The following PARD3B variants were observed in gnomAD, a reference collection of about 807,000 sequenced individuals.
The protein encoded by PARD3B is partitioning defective 3 homolog B.
In PARD3B, 103 loss-of-function variants were observed where a neutral mutation model predicts 130.2. That is an observed-to-expected ratio of 0.79 (90% confidence interval 0.67 to 0.93). PARD3B has a LOEUF of 0.93. Among genes scored for constraint, PARD3B ranks in the 40% least tolerant of loss-of-function variants. The pLI is 0.00. For missense variants in PARD3B, 1,609 were observed against 1,499.2 expected (o/e 1.07, Z -1.21); for synonymous variants, 583 against 553.2 (o/e 1.05, Z -0.76).
intron 15 of PARD3B, among the ~76,000 whole-genome samples, chr2:205,240,980 A>G (rs965079588): frequency 6.6e-6 from 1 of 152,142 alleles, no homozygotes; most frequent in Admixed American, 6.6e-5. Flanking sequence ...CATCTTTTTC[A>G]TAGATTTTTT....
intron 1 of PARD3B, among the ~76,000 whole-genome samples, chr2:204,639,553 T>C (rs1427007775): frequency 1.3e-5 from 2 of 152,190 alleles, no homozygotes; most frequent in Non-Finnish European, 2.9e-5. Flanking sequence ...TTGTCATTAT[T>C]CCCTAAGCAA....
At chr2:205,189,957 T>C (rs1280478935) in intron 14 of PARD3B, among the ~76,000 whole-genome samples, 1 of 152,230 alleles carries the variant, frequency 6.6e-6, no homozygotes, top group African/African-American at 2.4e-5. Flanking sequence ...TATAGATAGA[T>C]ATGTAGATAT....
intron 4 of PARD3B, among the ~76,000 whole-genome samples, chr2:205,102,908 C>A (rs1482147133): frequency 6.6e-6 from 1 of 151,738 alleles, no homozygotes; most frequent in East Asian, 1.9e-4. Context: ...ACTAAAAATA[C>A]AAAAGCAAAA....
chr2:205,148,112 A>G (rs980686726), intron 10 of PARD3B, among the ~76,000 whole-genome samples: 1 of 151,964 alleles, frequency 6.6e-6, no homozygotes, highest in African/African-American at 2.4e-5. Context: ...TATAGTCCAT[A>G]TTGTCTATCT....
chr2:204,735,615 C>T (rs531498088), intron 2 of PARD3B, among the ~76,000 whole-genome samples: 1 of 152,178 alleles, frequency 6.6e-6, no homozygotes, highest in Non-Finnish European at 1.5e-5. Flanking sequence ...GTAATATATG[C>T]AGCTTGATTG....
intron 15 of PARD3B, among the ~76,000 whole-genome samples, chr2:205,238,920 A>T (rs1193264526): frequency 7.4e-6 from 1 of 135,104 alleles, no homozygotes; most frequent in East Asian, 2.3e-4. Context: ...GTATGTGTAT[A>T]TATATATATG....
intron 3 of PARD3B, among the ~76,000 whole-genome samples, chr2:205,027,302 C>A (rs141349404): frequency 6.6e-6 from 1 of 152,042 alleles, no homozygotes; most frequent in East Asian, 1.9e-4. Flanking sequence ...TTGCATTTCT[C>A]TGATGATTAG....
Position 205,440,039 on chromosome 2 carries a change from A to T in PARD3B, c.2742-331A>T, listed in dbSNP as rs771588154. The stretch of plus-strand genomic sequence containing the variant: ...AGGCTTCTATAATATCGAACCAAAG[A>T]TGCACTGTTCCCACAAGCACATGCC... On this transcript the variant is annotated intron_variant, in intron 19 of 22. Coordinates refer to ENST00000406610, the MANE Select transcript of PARD3B (RefSeq NM_001302769.2). The surrounding 1 kb of genome is among the most constrained non-coding windows in gnomAD (Gnocchi z 4.2). Among the ~76,000 whole-genome samples the T allele has an allele frequency of 1.3e-5, 2 of 152,182 alleles. No individual in the cohort carries two copies. Among genetic ancestry groups the T allele is most frequent in the Non-Finnish European group, 2.9e-5 (2 of 68,034 alleles).
chr2:204,638,170 G>A (rs1486022585), intron 1 of PARD3B, among the ~76,000 whole-genome samples: 2 of 152,120 alleles, frequency 1.3e-5, no homozygotes, highest in African/African-American at 2.4e-5. Context: ...TATAAAGAAT[G>A]GGTTATGACT....
At chr2:205,431,442 A>G (rs1318935620) in intron 19 of PARD3B, among the ~76,000 whole-genome samples, 1 of 151,868 alleles carries the variant, frequency 6.6e-6, no homozygotes, top group Non-Finnish European at 1.5e-5. Flanking sequence ...CTATTATCCT[A>G]CTTTTGGATA....
chr2:204,604,724 A>G (rs1338156915), intron 1 of PARD3B, among the ~76,000 whole-genome samples: 1 of 152,208 alleles, frequency 6.6e-6, no homozygotes, highest in East Asian at 1.9e-4. Context: ...GTAGATTGAT[A>G]TTTAGAGTTC....
At chr2:205,374,614 G>A (rs1337422848) in intron 18 of PARD3B, among the ~76,000 whole-genome samples, 1 of 151,742 alleles carries the variant, frequency 6.6e-6, no homozygotes, top group Non-Finnish European at 1.5e-5. Context: ...TTGTTTCCTG[G>A]TTTTATTTAA....
At chr2:204,546,599 A>G (rs1409468003) in intron 1 of PARD3B, among the ~76,000 whole-genome samples, 2 of 148,622 alleles carry the variant, frequency 1.3e-5, no homozygotes, top group Non-Finnish European at 3.1e-5. Context: ...GGAAGTTACA[A>G]CTGATGGGGC....
intron 2 of PARD3B, among the ~76,000 whole-genome samples, chr2:204,735,979 A>G (rs184074233): frequency 4.8e-4 from 73 of 152,318 alleles, no homozygotes; most frequent in African/African-American, 1.7e-3. Flanking sequence ...AAATATAAAT[A>G]TACCCTTCTC....
chr2:205,455,810 T>C (rs2048254804), intron 20 of PARD3B, among the ~76,000 whole-genome samples: 1 of 152,102 alleles, frequency 6.6e-6, no homozygotes, highest in African/African-American at 2.4e-5. Context: ...GAATTTGACA[T>C]TGGTACAATG....
chr2:205,408,408 G>T (rs755899351), intron 19 of PARD3B, among the ~76,000 whole-genome samples: 4 of 152,172 alleles, frequency 2.6e-5, no homozygotes, highest in African/African-American at 4.8e-5. Context: ...GGATTTTTAT[G>T]TTACTGGAAA....
chr2:204,668,440 T>C (rs2036125376), intron 1 of PARD3B, among the ~76,000 whole-genome samples: 2 of 152,200 alleles, frequency 1.3e-5, no homozygotes, highest in South Asian at 2.1e-4. Context: ...AATGCTTTCC[T>C]TGAGTAAGAT....
chr2:204,739,074 C>G (rs931307844), intron 2 of PARD3B, among the ~76,000 whole-genome samples: 1 of 152,106 alleles, frequency 6.6e-6, no homozygotes, highest in Admixed American at 6.5e-5. Flanking sequence ...TTTTTTAAAT[C>G]TACTTTTTAA....
At chr2:205,172,152 C>A in intron 11 of PARD3B, 59 bp from the exon 12 acceptor site, 1 of 1,506,748 alleles carries the variant, frequency 6.6e-7, no homozygotes, top group Non-Finnish European at 9.0e-7. Context: ...CCCCAAAACG[C>A]CACATGTCAT....
Sources: gnomAD v4.1 joint callset for allele counts (sites outside exome capture counted in the v4.1 genomes callset) on GRCh38, gnomAD v4.1.1 for gene constraint, Gnocchi (gnomAD v3.1) non-coding constraint, MANE v1.5 for transcripts, NCBI Gene and HGNC (gene_info 2026-07-23, HGNC 2026-07-21) for gene names.